SLC9A7: variants seen among roughly 807,000 people sequenced by gnomAD.
SLC9A7 encodes the protein solute carrier family 9 member A7.
SLC9A7 carries 19 observed loss-of-function variants against 52.6 expected under a neutral mutation model. The ratio of observed to expected loss-of-function variants is 0.36; its 90% CI spans 0.25 to 0.53. The LOEUF (loss-of-function observed/expected upper bound fraction) is 0.53, where lower values mean the gene tolerates loss of function less well. Among genes scored for constraint, SLC9A7 ranks in the 20% least tolerant of loss-of-function variants. SLC9A7 has a pLI of 0.91. For missense variants in SLC9A7, 455 were observed against 597.9 expected (o/e 0.76, Z 2.49); for synonymous variants, 226 against 252.1 (o/e 0.90, Z 0.98).
intron 1 of SLC9A7, among the ~76,000 whole-genome samples, chrX:46,697,396 C>T (rs1013650345): frequency 8.9e-6 from 1 of 111,775 alleles, no homozygotes; most frequent in Non-Finnish European, 1.9e-5. Context: ...GTCAGGGACC[C>T]CAAACAGAGG....
chrX:46,709,081 A>G (rs1199908183), intron 1 of SLC9A7, among the ~76,000 whole-genome samples: 1 of 111,541 alleles, frequency 9.0e-6, no homozygotes, highest in Non-Finnish European at 1.9e-5. Context: ...ACAGTGGTAC[A>G]CTATCAGAGA....
intron 1 of SLC9A7, chrX:46,725,847 C>T (rs956392263): frequency 6.0e-5 from 32 of 532,459 alleles, no homozygotes; most frequent in Non-Finnish European, 1.0e-4. Context: ...AACCCAAACA[C>T]TGGAGCAAAA....
chrX:46,697,758 CAA>C (rs766593753), intron 1 of SLC9A7, among the ~76,000 whole-genome samples: 3 of 112,279 alleles, frequency 2.7e-5, no homozygotes, highest in Admixed American at 9.4e-5. Context: ...GTTTAGGAAA[CAA>C]GAGAGAAAAC....
intron 11 of SLC9A7, 148 bp from the exon 12 acceptor site, chrX:46,643,537 G>A: frequency 1.9e-6 from 1 of 534,714 alleles, no homozygotes. Context: ...AACCTTAAAG[G>A]CATGATTTTC....
rs1400955730 is a variant in SLC9A7, at chrX:46,738,107, G to GAA, written c.325+20597_325+20598insTT. Among the ~76,000 whole-genome samples, 249 of 47,470 alleles carry GAA rather than the reference G, an allele frequency of 5.2e-3. 5 individuals carry two copies. The highest frequency in any genetic ancestry group is 0.012 in the Non-Finnish European group (163 of 13,738). The allele number at this position is 47,470 out of a possible 115,157, so 41.2% of individuals were successfully genotyped here. On this transcript the variant is annotated intron_variant, in intron 1 of 16. Transcript: ENST00000616978. ...AGAAAGAAAGAAAGAAAGAAAGAAA[G>GAA]AGAAAAGAAAAGAAAAGTTTGGACA...
chrX:46,729,679 A>C (rs1201288955), intron 1 of SLC9A7, among the ~76,000 whole-genome samples: 1 of 111,025 alleles, frequency 9.0e-6, no homozygotes, highest in Non-Finnish European at 1.9e-5. Flanking sequence ...AGGTTGAGGC[A>C]AGAGAATCGC....
At chrX:46,610,474 G>A in intron 16 of SLC9A7, among the ~76,000 whole-genome samples, 1 of 112,136 alleles carries the variant, frequency 8.9e-6, no homozygotes, top group East Asian at 2.8e-4. Flanking sequence ...CCCTCACCAG[G>A]CACTAAACTT....
chrX:46,648,870 G>A lies in SLC9A7; in HGVS notation c.1351-73C>T, dbSNP rs766811791. On this transcript the variant is annotated intron_variant, in intron 10 of 16. Transcript: ENST00000616978. ...ATTCCACACAACCTCCGGCTGAGCA[G>A]AGAATTTTAGGAATGCTGTGACACC... 59 of 764,857 alleles carry A rather than the reference G, an allele frequency of 7.7e-5. No homozygotes were observed. In the East Asian group the frequency reaches 1.8e-3, roughly 24 times the overall value. The allele number at this position is 764,857 out of a possible 1,213,427, so 63.0% of individuals were successfully genotyped here.
chrX:46,674,800 G>A (rs1403894199), intron 3 of SLC9A7, among the ~76,000 whole-genome samples: 1 of 111,598 alleles, frequency 9.0e-6, no homozygotes, highest in African/African-American at 3.3e-5. Context: ...ATTATAAAAT[G>A]ACAAGAAGAG....
intron 14 of SLC9A7, among the ~76,000 whole-genome samples, chrX:46,625,151 A>G (rs1249602340): frequency 8.9e-6 from 1 of 112,160 alleles, no homozygotes; most frequent in Non-Finnish European, 1.9e-5. Context: ...ATGCATAATG[A>G]TATCTGTGTA....
At chrX:46,740,093 C>T (rs953685548) in intron 1 of SLC9A7, among the ~76,000 whole-genome samples, 3 of 111,941 alleles carry the variant, frequency 2.7e-5, no homozygotes, top group African/African-American at 9.7e-5. Context: ...TTTACATATA[C>T]TTAACTGTAT....
chrX:46,650,510 G>T (rs1943563687), intron 10 of SLC9A7, among the ~76,000 whole-genome samples: 1 of 109,731 alleles, frequency 9.1e-6, no homozygotes, highest in Non-Finnish European at 1.9e-5. Context: ...GGTGGGGGCG[G>T]GGAGAAAGAG....
intron 7 of SLC9A7, among the ~76,000 whole-genome samples, chrX:46,658,523 A>G (rs1943749037): frequency 9.0e-6 from 1 of 111,104 alleles, no homozygotes; most frequent in Non-Finnish European, 1.9e-5. Context: ...AGACGCAATA[A>G]AAAATGATAA....
chrX:46,674,004 A>G (rs1305251678), intron 3 of SLC9A7, among the ~76,000 whole-genome samples: 1 of 111,934 alleles, frequency 8.9e-6, no homozygotes, highest in East Asian at 2.8e-4. Context: ...GAGAAAATAT[A>G]TATTTCCAAA....
At chrX:46,669,740 C>T in intron 4 of SLC9A7, 21 bp from the exon 5 acceptor site, 1 of 876,833 alleles carries the variant, frequency 1.1e-6, no homozygotes, top group African/African-American at 2.0e-5. Context: ...GTAAGGTAAA[C>T]TATGTCAGGA....
Position 46,643,393 on chromosome X carries a change from C to T in SLC9A7, c.1463-4G>A, listed in dbSNP as rs374414486. 1.8e-5 allele frequency: 22 copies of T among 1,198,237 alleles called. No individual in the cohort carries two copies. In the Middle Eastern group the frequency reaches 7.0e-4, roughly 38 times the overall value. On this transcript the variant is annotated splice_polypyrimidine_tract_variant and splice_region_variant and intron_variant, in intron 11 of 16. Transcript: ENST00000616978. ...AATGCCATTGCTCCCCTGAGGCCTGCGGGGACCAAAGAAGAAGATCTACTT... is the reference window on the plus strand; with the variant it reads ...AATGCCATTGCTCCCCTGAGGCCTGTGGGGACCAAAGAAGAAGATCTACTT...
At chrX:46,615,398 G>C (rs956829499) in intron 15 of SLC9A7, among the ~76,000 whole-genome samples, 4 of 111,295 alleles carry the variant, frequency 3.6e-5, no homozygotes, top group Non-Finnish European at 7.5e-5. Flanking sequence ...CACATTCCCA[G>C]GGAGAGATGC....
chrX:46,671,203 G>A (rs746687450), intron 4 of SLC9A7, among the ~76,000 whole-genome samples: 6 of 111,512 alleles, frequency 5.4e-5, no homozygotes, highest in Non-Finnish European at 7.5e-5. Flanking sequence ...GATACCACAT[G>A]GCGTTTAGTC....
intron 1 of SLC9A7, among the ~76,000 whole-genome samples, chrX:46,739,079 C>T (rs141730473): frequency 0.014 from 1,592 of 111,878 alleles, 21 homozygotes; most frequent in African/African-American, 0.049. Context: ...AATAAAACAA[C>T]GACAGATAAG....
Sources: allele counts gnomAD v4.1 joint callset (sites outside exome capture counted in the v4.1 genomes callset), GRCh38; gene constraint gnomAD v4.1.1; transcripts MANE v1.5; gene names NCBI Gene and HGNC (gene_info 2026-07-23, HGNC 2026-07-21).